The following C2CD4C variants were observed in gnomAD, a reference collection of about 807,000 sequenced individuals.
C2CD4C encodes C2 calcium dependent domain containing 4C, also known as C2 calcium-dependent domain-containing protein 4C.
In C2CD4C, 3 loss-of-function variants were observed where a neutral mutation model predicts 4.1. The ratio of observed to expected loss-of-function variants is 0.73; its 90% CI spans 0.33 to 1.88. The LOEUF (loss-of-function observed/expected upper bound fraction) is 1.88, where lower values mean the gene tolerates loss of function less well. Ranked by LOEUF, C2CD4C falls within the 40% of genes most tolerant of loss-of-function variation. The probability of loss-of-function intolerance (pLI) is 0.08; values close to 1 mark genes in which losing one functional copy is unlikely to be tolerated. For missense variants in C2CD4C, 664 were observed against 621.5 expected (o/e 1.07, Z -0.73); for synonymous variants, 364 against 290.4 (o/e 1.25, Z -2.57).
At position 405,703 on chromosome 19, in the gene C2CD4C, T is replaced by G. The variant is rs1032145401; in HGVS notation, c.*1393A>C. The stretch of plus-strand genomic sequence containing the variant: ...TGAGGAGCCTCCGCCCTGGGTGCCC[T>G]GGCTTCCGGGAGAGAGCGGAGCCCT... On this transcript the variant is annotated 3_prime_UTR_variant, in exon 2 of 2. Transcript: ENST00000332235. 5.3e-5 allele frequency: 8 copies of G among 152,126 alleles called. No individual in the cohort carries two copies. The highest frequency in any genetic ancestry group is 1.9e-4 in the African/African-American group (8 of 41,410). The allele number at this position is 152,126 out of a possible 1,614,324, so 9.4% of individuals were successfully genotyped here.
chr19:407,387 G>A lies in C2CD4C; in HGVS notation c.975C>T (p.His325=). ...YEAGQARLRV[H]LLAAEGLYDR... is the part of the protein sequence containing the mutation. ...CGTAGAGGCCCTCGGCGGCCAGCAG[G>A]TGCACCCGCAGGCGGGCCTGGCCGG... Residue 325 remains histidine (H), a synonymous_variant, in exon 2 of 2, where the codon CAC becomes CAT. Coordinates refer to ENST00000332235, the MANE Select transcript of C2CD4C (RefSeq NM_001136263.2). 1.3e-6 allele frequency: 2 copies of A among 1,538,318 alleles called. No homozygotes were observed. The highest frequency in any genetic ancestry group is 8.7e-7 in the Non-Finnish European group (1 of 1,145,356).
In C2CD4C at chr19:407,882, C is replaced by A; in HGVS notation, c.480G>T (p.Arg160Ser). The A allele has an allele frequency of 6.5e-7, 1 of 1,549,268 alleles. No homozygotes were observed. The highest frequency in any genetic ancestry group is 8.7e-7 in the Non-Finnish European group (1 of 1,146,442). The change falls in exon 2 of 2, where the codon AGG becomes AGT. Residue 160 changes from arginine (R) to serine (S), a missense_variant. Transcript: ENST00000332235. ...CACTGTGGAACAGAGACTCCTTGCG[C>A]CTCGTGTGGGGGCTCTCAGCCAGCA... ...FAMLAESPHT[R>S]RKESLFHSEH...
In C2CD4C at chr19:407,842, C is replaced by A. The variant is rs1463740406; in HGVS notation, c.520G>T (p.Ala174Ser). 3.9e-6 allele frequency: 6 copies of A among 1,546,496 alleles called. No individual in the cohort carries two copies. The highest frequency in any genetic ancestry group is 5.2e-6 in the Non-Finnish European group (6 of 1,145,188). The change falls in exon 2 of 2, where the codon GCC becomes TCC. Residue 174 changes from alanine to serine, a missense_variant. Coordinates refer to ENST00000332235, the MANE Select transcript of C2CD4C (RefSeq NM_001136263.2). ...CCGGCCCCTGGGGAGCCCACCTGGG[C>A]CAGAGCCCCGTGCTCACTGTGGAAC... ...SLFHSEHGAL[A>S]QVGSPGAGRR... is the part of the protein sequence containing the mutation.
At position 407,154 on chromosome 19, in the gene C2CD4C, C is replaced by T. The variant is rs1568273831; in HGVS notation, c.1208G>A (p.Arg403Gln). 9.7e-6 allele frequency: 15 copies of T among 1,550,208 alleles called. No individual in the cohort carries two copies. Among genetic ancestry groups the T allele is most frequent in the Non-Finnish European group, 1.3e-5 (15 of 1,146,854 alleles). Residue 403 changes from arginine to glutamine, a missense_variant, in exon 2 of 2, where the codon CGG becomes CAG. Arg to Gln is a conservative substitution (Grantham distance 43). Coordinates refer to ENST00000332235, the MANE Select transcript of C2CD4C (RefSeq NM_001136263.2). ...KVVNKGSSLK[R>Q]DTLLGEKELP... ...CTCCTTCTCCCCGAGCAGCGTGTCCCGCTTGAGGCTGCTGCCCTTGTTCAC... is the reference window on the plus strand; with the variant it reads ...CTCCTTCTCCCCGAGCAGCGTGTCCTGCTTGAGGCTGCTGCCCTTGTTCAC...
rs912133352 is a variant in C2CD4C, at chr19:406,881, G to A, written c.*215C>T. 1.8e-6 allele frequency: 1 copy of A among 541,796 alleles called. No individual in the cohort carries two copies. The highest frequency in any genetic ancestry group is 3.2e-6 in the Non-Finnish European group (1 of 311,322). 33.6% of individuals were successfully genotyped at this position (541,796 alleles called of 1,614,324 possible). ...CTCCTCCTCCTCCTCCTCCAAAGGA[G>A]AAATTAATTCATGAAAAATAATACT... On this transcript the variant is annotated 3_prime_UTR_variant, in exon 2 of 2. Coordinates refer to ENST00000332235, the MANE Select transcript of C2CD4C (RefSeq NM_001136263.2).
Position 408,089 on chromosome 19 carries a change from C to A in C2CD4C, c.273G>T (p.Arg91=). 8.0e-6 allele frequency: 12 copies of A among 1,494,086 alleles called. No individual in the cohort carries two copies. The highest frequency in any genetic ancestry group is 9.8e-6 in the Non-Finnish European group (11 of 1,124,210). 92.6% of individuals were successfully genotyped at this position (1,494,086 alleles called of 1,614,324 possible). A position where few individuals can be genotyped will look rare whatever the true frequency, so the allele number is the denominator to read the frequency against. ...TCTCGGCTGCCAGCTTGGCAGGCAG[C>A]CGGGGGCTCCGTGGGGTCTGGCGGG... ...AAPRQTPRSP[R]LPAKLAAESK... is the part of the protein sequence containing the mutation. The change falls in exon 2 of 2, where the codon CGG becomes CGT. Residue 91 remains arginine, a synonymous_variant. Coordinates refer to ENST00000332235, the MANE Select transcript of C2CD4C (RefSeq NM_001136263.2).
At position 407,262 on chromosome 19, in the gene C2CD4C, C is replaced by T. The variant is rs745689339; in HGVS notation, c.1100G>A (p.Arg367His). 3.9e-5 allele frequency: 60 copies of T among 1,550,234 alleles called. No homozygotes were observed. Among genetic ancestry groups the T allele is most frequent in the Non-Finnish European group, 4.7e-5 (54 of 1,146,878 alleles). Reference sequence around the variant, plus strand: ...GAAATCCTCGTTGAAGACGGGGCGGCGGCTGTTCTTCACGATGGTGCTGCG... The same window carrying T: ...GAAATCCTCGTTGAAGACGGGGCGGTGGCTGTTCTTCACGATGGTGCTGCG... ...KQRSTIVKNSRRPVFNEDFFF... is the reference protein window; with the variant it reads ...KQRSTIVKNSHRPVFNEDFFF... The change falls in exon 2 of 2, where the codon CGC becomes CAC. Residue 367 changes from arginine (R) to histidine (H), a missense_variant. Coordinates refer to ENST00000332235, the MANE Select transcript of C2CD4C (RefSeq NM_001136263.2).
intron 1 of C2CD4C, among the ~76,000 whole-genome samples, 154 bp from the exon 2 acceptor site, chr19:408,555 G>A (rs1023365740): frequency 6.6e-6 from 1 of 152,100 alleles, no homozygotes; most frequent in African/African-American, 2.4e-5. Flanking sequence ...GGCGGCCCAG[G>A]ACAGGAGTGA....
Position 407,143 on chromosome 19 carries a change from G to T in C2CD4C, c.1219C>A (p.Leu407Ile), listed in dbSNP as rs1974003935. The change falls in exon 2 of 2, where the codon CTC becomes ATC. Residue 407 changes from leucine (L) to isoleucine (I), a missense_variant. Transcript: ENST00000332235. Reference protein sequence around the residue: ...KGSSLKRDTLLGEKELPLTSL... With the variant: ...KGSSLKRDTLIGEKELPLTSL... Reference sequence around the variant, plus strand: ...GTCAGGGGCAGCTCCTTCTCCCCGAGCAGCGTGTCCCGCTTGAGGCTGCTG... The same window carrying T: ...GTCAGGGGCAGCTCCTTCTCCCCGATCAGCGTGTCCCGCTTGAGGCTGCTG... 2 of 1,550,052 alleles carry T rather than the reference G, an allele frequency of 1.3e-6. No homozygotes were observed. The highest frequency in any genetic ancestry group is 1.4e-5 in the African/African-American group (1 of 73,064).
Position 407,030 on chromosome 19 carries a change from C to T in C2CD4C, c.*66G>A. ...AAGCCAGCGGACCCGCCCGCCAGCA[C>T]CCGGTGTGGAGGAGAGACCGGGGTC... is the stretch of plus-strand genomic sequence containing the variant. On this transcript the variant is annotated 3_prime_UTR_variant, in exon 2 of 2. Transcript: ENST00000332235. 7.1e-7 allele frequency: 1 copy of T among 1,414,734 alleles called. No homozygotes were observed. Among genetic ancestry groups the T allele is most frequent in the South Asian group, 1.4e-5 (1 of 69,068 alleles). The allele number at this position is 1,414,734 out of a possible 1,614,324, so 87.6% of individuals were successfully genotyped here. A position where few individuals can be genotyped will look rare whatever the true frequency, so the allele number is the denominator to read the frequency against.
chr19:406,989 C>A lies in C2CD4C; in HGVS notation c.*107G>T. 8.2e-6 allele frequency: 6 copies of A among 731,428 alleles called. 2 individuals are homozygous for A. The highest frequency in any genetic ancestry group is 1.3e-5 in the Non-Finnish European group (6 of 479,798). 45.3% of individuals were successfully genotyped at this position (731,428 alleles called of 1,614,324 possible). ...CCCAGCCTGAGTGTGAGCCCCTCCC[C>A]GGCCAGCCCCAGCCCAAGCCAGCGG... On this transcript the variant is annotated 3_prime_UTR_variant, in exon 2 of 2. Coordinates refer to ENST00000332235, the MANE Select transcript of C2CD4C (RefSeq NM_001136263.2).
At position 406,326 on chromosome 19, in the gene C2CD4C, A is replaced by G. The variant is rs940593043; in HGVS notation, c.*770T>C. 1 of 152,298 alleles carries G rather than the reference A, an allele frequency of 6.6e-6. No homozygotes were observed. Among genetic ancestry groups the G allele is most frequent in the Non-Finnish European group, 1.5e-5 (1 of 68,074 alleles). The allele number at this position is 152,298 out of a possible 1,614,324, so 9.4% of individuals were successfully genotyped here. On this transcript the variant is annotated 3_prime_UTR_variant, in exon 2 of 2. Transcript: ENST00000332235. ...AAGACCCTCCGGCGCCACAGCAGAA[A>G]TGGCCAGACGGGCCTGTACCCAAAA...
At position 406,899 on chromosome 19, in the gene C2CD4C, A is replaced by G; in HGVS notation, c.*197T>C. 1.8e-6 allele frequency: 1 copy of G among 554,134 alleles called. No homozygotes were observed. The highest frequency in any genetic ancestry group is 3.1e-5 in the East Asian group (1 of 32,264). 34.3% of individuals were successfully genotyped at this position (554,134 alleles called of 1,614,324 possible). ...CAAAGGAGAAATTAATTCATGAAAA[A>G]TAATACTCCAGTCAGCATCGGGTGA... On this transcript the variant is annotated 3_prime_UTR_variant, in exon 2 of 2. Coordinates refer to ENST00000332235, the MANE Select transcript of C2CD4C (RefSeq NM_001136263.2).
Position 407,930 on chromosome 19 carries a change from G to C in C2CD4C, c.432C>G (p.Ala144=). The change falls in exon 2 of 2, where the codon GCC becomes GCG. Residue 144 remains alanine, a synonymous_variant. Transcript: ENST00000332235. Reference sequence around the variant, plus strand: ...GCATGGCGAAGCCGTAGGACGTCTGGGCCTTGGGCACCGAGGGCAGGGACA... The same window carrying C: ...GCATGGCGAAGCCGTAGGACGTCTGCGCCTTGGGCACCGAGGGCAGGGACA... The part of the protein sequence containing the change: ...GAMSLPSVPK[A]QTSYGFAMLA... 6.5e-7 allele frequency: 1 copy of C among 1,548,652 alleles called. No homozygotes were observed. The highest frequency in any genetic ancestry group is 8.7e-7 in the Non-Finnish European group (1 of 1,146,326).
In C2CD4C at chr19:407,137, C is replaced by T. The variant is rs761304060; in HGVS notation, c.1225G>A (p.Glu409Lys). ...SSLKRDTLLG[E>K]KELPLTSLLP... ...AGGGAGGTCAGGGGCAGCTCCTTCT[C>T]CCCGAGCAGCGTGTCCCGCTTGAGG... The change falls in exon 2 of 2, where the codon GAG (glutamate) becomes AAG (lysine). Residue 409 changes from glutamate (E) to lysine (K), a missense_variant. By Grantham distance (56) the Glu-to-Lys change is moderately conservative. Coordinates refer to ENST00000332235, the MANE Select transcript of C2CD4C (RefSeq NM_001136263.2). 3 of 1,549,946 alleles carry T rather than the reference C, an allele frequency of 1.9e-6. No homozygotes were observed. The highest frequency in any genetic ancestry group is 1.4e-5 in the African/African-American group (1 of 73,044).
Position 407,828 on chromosome 19 carries a change from G to A in C2CD4C, c.534C>T (p.Ser178=), listed in dbSNP as rs964994449. 6.5e-7 allele frequency: 1 copy of A among 1,543,446 alleles called. No homozygotes were observed. Among genetic ancestry groups the A allele is most frequent in the Non-Finnish European group, 8.7e-7 (1 of 1,143,762 alleles). ...SEHGALAQVG[S]PGAGRRRAAA... Reference sequence around the variant, plus strand: ...CTGCCCGGCGGCGCCCGGCCCCTGGGGAGCCCACCTGGGCCAGAGCCCCGT... The same window carrying A: ...CTGCCCGGCGGCGCCCGGCCCCTGGAGAGCCCACCTGGGCCAGAGCCCCGT... The change falls in exon 2 of 2, where the codon TCC becomes TCT. Residue 178 remains serine, a synonymous_variant. Transcript: ENST00000332235.
intron 1 of C2CD4C, among the ~76,000 whole-genome samples, chr19:408,805 T>G (rs1201467581): frequency 6.6e-6 from 1 of 151,714 alleles, no homozygotes; most frequent in Non-Finnish European, 1.5e-5. Context: ...CCCCCCCGGC[T>G]CCCACCCACC....
In C2CD4C at chr19:406,947, A is replaced by T; in HGVS notation, c.*149T>A. The T allele has an allele frequency of 1.8e-6, 1 of 569,298 alleles. No individual in the cohort carries two copies. The highest frequency in any genetic ancestry group is 3.0e-6 in the Non-Finnish European group (1 of 335,124). 35.3% of individuals were successfully genotyped at this position (569,298 alleles called of 1,614,324 possible). A position where few individuals can be genotyped will look rare whatever the true frequency, so the allele number is the denominator to read the frequency against. Reference sequence around the variant, plus strand: ...TGACCCAGGAAACCCTGCGTCAGCTACAGCATCAGCGCCCAGCCCAGCCTG... The same window carrying T: ...TGACCCAGGAAACCCTGCGTCAGCTTCAGCATCAGCGCCCAGCCCAGCCTG... On this transcript the variant is annotated 3_prime_UTR_variant, in exon 2 of 2. Transcript: ENST00000332235.
chr19:407,557 T>G lies in C2CD4C; in HGVS notation c.805A>C (p.Thr269Pro). ...RHGSLSADDS[T>P]PDASPGSRRR... ...CGGCTCCCGGGGCTGGCGTCCGGGG[T>G]GCTGTCGTCCGCAGACAGGGAGCCG... The change falls in exon 2 of 2, where the codon ACC (threonine) becomes CCC (proline). Residue 269 changes from threonine to proline, a missense_variant. Coordinates refer to ENST00000332235, the MANE Select transcript of C2CD4C (RefSeq NM_001136263.2). 1 of 1,402,134 alleles carries G rather than the reference T, an allele frequency of 7.1e-7. No individual in the cohort carries two copies. The allele number at this position is 1,402,134 out of a possible 1,614,324, so 86.9% of individuals were successfully genotyped here.
Sources: gnomAD v4.1 joint callset for allele counts (sites outside exome capture counted in the v4.1 genomes callset) on GRCh38, gnomAD v4.1.1 for gene constraint, MANE v1.5 for transcripts, NCBI Gene and HGNC (gene_info 2026-07-23, HGNC 2026-07-21) for gene names.